The following IL1RAPL2 variants were observed in gnomAD, a reference collection of about 807,000 sequenced individuals.
IL1RAPL2 encodes the protein X-linked interleukin-1 receptor accessory protein-like 2.
A neutral mutation model predicts 44.1 loss-of-function variants in IL1RAPL2; 3 were observed. The ratio of observed to expected loss-of-function variants is 0.07; its 90% confidence interval spans 0.03 to 0.18. The LOEUF (loss-of-function observed/expected upper bound fraction) is 0.18, where lower values mean the gene tolerates loss of function less well. Among genes scored for constraint, IL1RAPL2 ranks in the 10% least tolerant of loss-of-function variants. The pLI is 1.00. For synonymous variants in IL1RAPL2, 181 were observed against 178.8 expected (o/e 1.01, Z -0.10); for missense variants, 391 against 496.4 (o/e 0.79, Z 2.02).
At chrX:104,825,361 TTA>T (rs1472941205) in intron 2 of IL1RAPL2, among the ~76,000 whole-genome samples, 1 of 112,194 alleles carries the variant, frequency 8.9e-6, no homozygotes, top group Non-Finnish European at 1.9e-5. Context: ...ACTTTTAGGA[TTA>T]TATGTATTTT....
At chrX:104,633,875 C>G (rs1410770549) in intron 1 of IL1RAPL2, among the ~76,000 whole-genome samples, 4 of 111,059 alleles carry the variant, frequency 3.6e-5, no homozygotes, top group Admixed American at 2.9e-4. Flanking sequence ...TTATTTCTTG[C>G]CTTCTGCTAG....
At chrX:105,689,055 C>A (rs1028672332) in intron 6 of IL1RAPL2, among the ~76,000 whole-genome samples, 11 of 111,766 alleles carry the variant, frequency 9.8e-5, no homozygotes, top group Non-Finnish European at 2.1e-4. Context: ...TTCCTTAAAC[C>A]TTATACAAAA....
chrX:104,667,565 C>T (rs950680308), intron 2 of IL1RAPL2, among the ~76,000 whole-genome samples: 3 of 111,766 alleles, frequency 2.7e-5, no homozygotes, highest in Non-Finnish European at 5.6e-5. Flanking sequence ...AATTTGACCA[C>T]TCTCTTACAT....
chrX:105,138,937 C>CA (rs1407301417), intron 2 of IL1RAPL2, among the ~76,000 whole-genome samples: 3 of 111,218 alleles, frequency 2.7e-5, no homozygotes, highest in Non-Finnish European at 5.7e-5. Context: ...CAGACTTCCA[C>CA]AGAGATAAGG....
At chrX:105,545,500 G>A (rs1438771743) in intron 6 of IL1RAPL2, among the ~76,000 whole-genome samples, 1 of 112,060 alleles carries the variant, frequency 8.9e-6, no homozygotes, top group Non-Finnish European at 1.9e-5. Context: ...ATTTTTTGTG[G>A]GAGAGGCAGG....
chrX:104,944,856 A>C (rs980690580), intron 2 of IL1RAPL2, among the ~76,000 whole-genome samples: 2 of 111,901 alleles, frequency 1.8e-5, no homozygotes, highest in African/African-American at 6.5e-5. Flanking sequence ...TTTCTGGGTC[A>C]TAAAGACCTG....
chrX:105,268,623 G>A (rs906069881), intron 5 of IL1RAPL2, among the ~76,000 whole-genome samples: 53 of 108,388 alleles, frequency 4.9e-4, no homozygotes, highest in Non-Finnish European at 8.0e-4. Context: ...AAAAAAATTA[G>A]CCAGGCGTGG....
chrX:105,041,250 G>T (rs1252820873), intron 2 of IL1RAPL2, among the ~76,000 whole-genome samples: 2 of 111,273 alleles, frequency 1.8e-5, no homozygotes. Flanking sequence ...GAGATAGTTT[G>T]TTATAATTTC....
chrX:104,788,202 T>C (rs1932808391), intron 2 of IL1RAPL2, among the ~76,000 whole-genome samples: 1 of 112,279 alleles, frequency 8.9e-6, no homozygotes, highest in African/African-American at 3.2e-5. Context: ...GGAAGAAAAG[T>C]TCTGGCATTA....
intron 2 of IL1RAPL2, among the ~76,000 whole-genome samples, chrX:104,960,809 G>A (rs892939169): frequency 9.0e-6 from 1 of 110,813 alleles, no homozygotes; most frequent in Non-Finnish European, 1.9e-5. Flanking sequence ...TGATTTTATG[G>A]CATCAAGCTC....
intron 5 of IL1RAPL2, among the ~76,000 whole-genome samples, chrX:105,290,366 T>A (rs181013140): frequency 9.0e-6 from 1 of 111,554 alleles, no homozygotes; most frequent in African/African-American, 3.3e-5. Flanking sequence ...AACCCAGAAC[T>A]CATCTTGGGT....
chrX:105,690,399 A>G (rs1371545414), intron 6 of IL1RAPL2, among the ~76,000 whole-genome samples: 3 of 111,593 alleles, frequency 2.7e-5, no homozygotes, highest in African/African-American at 3.3e-5. Context: ...TACATTCTTC[A>G]TAATCTTCAA....
intron 2 of IL1RAPL2, among the ~76,000 whole-genome samples, chrX:105,042,423 G>A (rs2031760882): frequency 9.1e-6 from 1 of 109,643 alleles, no homozygotes; most frequent in South Asian, 3.9e-4. Flanking sequence ...CGAAGGATAT[G>A]AACAGACACT....
At chrX:104,677,522 A>G (rs960168318) in intron 2 of IL1RAPL2, among the ~76,000 whole-genome samples, 2 of 111,653 alleles carry the variant, frequency 1.8e-5, no homozygotes, top group African/African-American at 6.5e-5. Context: ...GGGACATTTA[A>G]GTCTGCAGAG....
chrX:104,892,674 C>G (rs1400870756), intron 2 of IL1RAPL2, among the ~76,000 whole-genome samples: 1 of 110,882 alleles, frequency 9.0e-6, no homozygotes, highest in Non-Finnish European at 1.9e-5. Context: ...CTATCTGATT[C>G]TTCTCCCTTT....
rs143617305 is a variant in IL1RAPL2 at position 105,546,753 on chromosome X, G to A, written c.772+62366G>A. On this transcript the variant is annotated intron_variant, in intron 6 of 10. Transcript: ENST00000372582. ...CATCTTTATCAGATGCCTAGTTATC[G>A]CTAGTTACAAACTACGTTTGCTATA... is the stretch of plus-strand genomic sequence containing the variant. Among the ~76,000 whole-genome samples the A allele has an allele frequency of 5.3e-3, 591 of 111,443 alleles. 4 individuals carry two copies. The highest frequency in any genetic ancestry group is 0.018 in the African/African-American group (563 of 30,682).
intron 10 of IL1RAPL2, among the ~76,000 whole-genome samples, chrX:105,766,152 T>G (rs984922171): frequency 1.3e-4 from 15 of 112,295 alleles, no homozygotes; most frequent in Admixed American, 1.3e-3. Context: ...TTCACCTCAC[T>G]TTCAGAATTG....
chrX:105,597,817 G>T (rs962777062), intron 6 of IL1RAPL2, among the ~76,000 whole-genome samples: 1 of 111,909 alleles, frequency 8.9e-6, no homozygotes, highest in Admixed American at 9.5e-5. Flanking sequence ...AAGTGTTGGT[G>T]AGGGTGTGGA....
At chrX:105,693,938 C>T (rs2038057126) in intron 6 of IL1RAPL2, among the ~76,000 whole-genome samples, 1 of 112,117 alleles carries the variant, frequency 8.9e-6, no homozygotes, top group Non-Finnish European at 1.9e-5. Flanking sequence ...CCTCATGACA[C>T]TTTGACGAAT....
Sources: allele counts gnomAD v4.1 joint callset (sites outside exome capture counted in the v4.1 genomes callset), GRCh38; gene constraint gnomAD v4.1.1; transcripts MANE v1.5; gene names NCBI Gene and HGNC (gene_info 2026-07-23, HGNC 2026-07-21).